The following FAT1 variants were observed in gnomAD, a reference collection of about 807,000 sequenced individuals.
FAT1 encodes FAT atypical cadherin 1.
FAT1 carries 171 observed loss-of-function variants against 329.8 expected under a neutral mutation model. The observed-to-expected ratio is 0.52, with a 90% confidence interval of 0.46 to 0.59. The LOEUF (loss-of-function observed/expected upper bound fraction) is 0.59. Ranked by LOEUF, FAT1 falls within the 20% of genes least tolerant of loss-of-function variation. The pLI, the probability that FAT1 is intolerant of heterozygous loss-of-function variation, is 0.00. For synonymous variants in FAT1, 2,233 were observed against 2,228.6 expected (o/e 1.00, Z -0.06); for missense variants, 5,672 against 5,774.4 (o/e 0.98, Z 0.57).
intron 3 of FAT1, among the ~76,000 whole-genome samples, chr4:186,652,467 T>C (rs183107585): frequency 2.0e-5 from 3 of 152,310 alleles, no homozygotes; most frequent in Admixed American, 2.0e-4. Context: ...ATCATCAACA[T>C]CGGCAGAAAT....
chr4:186,658,076 CTTAAG>C (rs1404271705), intron 3 of FAT1, among the ~76,000 whole-genome samples: 3 of 152,178 alleles, frequency 2.0e-5, no homozygotes, highest in Non-Finnish European at 1.5e-5. Flanking sequence ...AAGTGCTCAA[CTTAAG>C]TTAAAAGAAG....
chr4:186,659,631 C>A (rs1417158817), intron 3 of FAT1, among the ~76,000 whole-genome samples: 2 of 149,004 alleles, frequency 1.3e-5, no homozygotes, highest in Admixed American at 1.3e-4. Flanking sequence ...CACTTGTCCC[C>A]TGAACAACCC....
At chr4:186,713,363 G>A (rs894771174) in intron 1 of FAT1, among the ~76,000 whole-genome samples, 3 of 152,088 alleles carry the variant, frequency 2.0e-5, no homozygotes, top group Admixed American at 1.3e-4. Flanking sequence ...TGATTAGATT[G>A]GGGTTCTGTT....
At chr4:186,681,278 A>C (rs1743194637) in intron 2 of FAT1, among the ~76,000 whole-genome samples, 1 of 152,182 alleles carries the variant, frequency 6.6e-6, no homozygotes, top group African/African-American at 2.4e-5. Context: ...CTCTTATTTA[A>C]AAGTGGGAGA....
intron 2 of FAT1, among the ~76,000 whole-genome samples, chr4:186,676,994 T>C (rs1048785575): frequency 6.6e-6 from 1 of 152,232 alleles, no homozygotes; most frequent in African/African-American, 2.4e-5. Context: ...CCTGTGGTCA[T>C]GGACTGTATG....
rs1329671664 is a variant in FAT1 at position 186,636,084 on chromosome 4, T to C, written c.4124A>G (p.His1375Arg). 3 of 1,613,968 alleles carry C rather than the reference T, an allele frequency of 1.9e-6. No homozygotes were observed. The highest frequency in any genetic ancestry group is 3.3e-5 in the Admixed American group (2 of 60,016). The part of the protein sequence containing the change: ...FTVMESDPVA[H>R]MIGVISVEPP... ...CTCCACAGATATTACTCCAATCATG[T>C]GAGCAACGGGGTCACTTTCCATCAC... The change falls in exon 6 of 27, where the codon CAC becomes CGC. Residue 1375 changes from histidine to arginine, a missense_variant. His to Arg is a conservative substitution (Grantham distance 29). Transcript: ENST00000441802.
chr4:186,674,617 T>G (rs561630773), intron 2 of FAT1, among the ~76,000 whole-genome samples: 1 of 152,250 alleles, frequency 6.6e-6, no homozygotes, highest in East Asian at 1.9e-4. Flanking sequence ...CAGATCCCTG[T>G]ATAGAGTTCA....
intron 1 of FAT1, among the ~76,000 whole-genome samples, chr4:186,718,083 C>T (rs1381923109): frequency 6.6e-6 from 1 of 152,148 alleles, no homozygotes. Flanking sequence ...AATTGGGCTC[C>T]CTGTATAATT....
intron 1 of FAT1, among the ~76,000 whole-genome samples, chr4:186,720,791 GGACA>G (rs1044662610): frequency 6.6e-6 from 1 of 152,228 alleles, no homozygotes; most frequent in African/African-American, 2.4e-5. Context: ...ATTGGTAAAT[GGACA>G]GATGAATAAA....
At chr4:186,726,363 C>T (rs900173606), upstream of FAT1, 1 of 152,288 alleles carries the variant, frequency 6.6e-6, no homozygotes, top group African/African-American at 2.4e-5. Flanking sequence ...CCAGTCTAGC[C>T]GAGTCCTCGG....
chr4:186,722,980 C>T (rs533653980), intron 1 of FAT1, among the ~76,000 whole-genome samples: 116 of 152,168 alleles, frequency 7.6e-4, no homozygotes, highest in African/African-American at 2.7e-3. Context: ...CAAAGCCTTG[C>T]AATTCACATC....
At chr4:186,700,035 C>T (rs182281016) in intron 2 of FAT1, among the ~76,000 whole-genome samples, 192 of 152,240 alleles carry the variant, frequency 1.3e-3, no homozygotes, top group African/African-American at 4.5e-3. Flanking sequence ...GCAAGGGGGA[C>T]GGTGAGTAAG....
rs1447314849 is a variant in FAT1, at chr4:186,611,368, A to G, written c.9853+18T>C. On this transcript the variant is annotated intron_variant, in intron 14 of 26. Transcript: ENST00000441802. ...TTGGTGGAATGAAGGGTTTCCTCTC[A>G]GATACATGGTAGGTTACCTGTTTTA... is the stretch of plus-strand genomic sequence containing the variant. 3.2e-6 allele frequency: 5 copies of G among 1,582,534 alleles called. No individual in the cohort carries two copies. In the South Asian group the frequency reaches 4.7e-5, roughly 15 times the overall value.
At chr4:186,616,928 C>T (rs150919058) in intron 11 of FAT1, 77 bp downstream of exon 11, 41 of 1,304,424 alleles carry the variant, frequency 3.1e-5, no homozygotes, top group East Asian at 1.9e-4. Context: ...TACACCACAG[C>T]GCCAAATGAT....
chr4:186,606,388 C>T (rs1176883256), intron 16 of FAT1, among the ~76,000 whole-genome samples, 175 bp from the exon 17 acceptor site: 1 of 152,050 alleles, frequency 6.6e-6, no homozygotes, highest in Non-Finnish European at 1.5e-5. Context: ...GCAAGTAATA[C>T]ACATTTCCCA....
intron 18 of FAT1, 143 bp downstream of exon 18, chr4:186,604,234 G>A: frequency 1.4e-6 from 1 of 713,208 alleles, no homozygotes; most frequent in South Asian, 2.0e-5. Context: ...AAAAATGGAA[G>A]GTATGGCAAA....
chr4:186,662,985 C>T (rs192283670), intron 3 of FAT1, among the ~76,000 whole-genome samples: 3,227 of 152,082 alleles, frequency 0.021, 101 homozygotes, highest in East Asian at 0.13. Context: ...TACAGGCGCC[C>T]GCCACCACGC....
chr4:186,713,501 C>T (rs142488126), intron 1 of FAT1, among the ~76,000 whole-genome samples: 22 of 152,254 alleles, frequency 1.4e-4, no homozygotes, highest in Admixed American at 1.0e-3. Flanking sequence ...GCCAGGTTTC[C>T]TCACAGTCAG....
intron 3 of FAT1, among the ~76,000 whole-genome samples, chr4:186,645,823 G>A (rs964169568): frequency 4.0e-5 from 6 of 151,220 alleles, no homozygotes; most frequent in East Asian, 3.9e-4. Flanking sequence ...GCGTGCACCT[G>A]TAATCCCAGC....
Sources: gnomAD v4.1 joint callset for allele counts (sites outside exome capture counted in the v4.1 genomes callset) on GRCh38, gnomAD v4.1.1 for gene constraint, MANE v1.5 for transcripts, NCBI Gene and HGNC (gene_info 2026-07-23, HGNC 2026-07-21) for gene names.